The following ACTN3 variants were observed in gnomAD, a reference collection of about 807,000 sequenced individuals.
The protein encoded by ACTN3 is alpha-actinin-3.
In ACTN3, 91 loss-of-function variants were observed where a neutral mutation model predicts 119.6. The ratio of observed to expected loss-of-function variants is 0.76; its 90% CI spans 0.64 to 0.91. The LOEUF is 0.91. Among genes scored for constraint, ACTN3 ranks in the 40% least tolerant of loss-of-function variants. ACTN3 has a pLI of 0.00. For missense variants in ACTN3, 1,221 were observed against 1,215.1 expected (o/e 1.00, Z -0.07); for synonymous variants, 456 against 478.8 (o/e 0.95, Z 0.62).
At chr11:66,557,533 C>A (rs1478449663) in intron 9 of ACTN3, among the ~76,000 whole-genome samples, 166 bp from the exon 10 acceptor site, 1 of 152,242 alleles carries the variant, frequency 6.6e-6, no homozygotes, top group Non-Finnish European at 1.5e-5. Flanking sequence ...AATCAACCAT[C>A]CCACTTCTTC....
chr11:66,552,851 G>GTCTCTCTCTCTCTCTC (rs564902238), intron 3 of ACTN3, among the ~76,000 whole-genome samples: 1 of 131,278 alleles, frequency 7.6e-6, no homozygotes, highest in Non-Finnish European at 1.6e-5. Flanking sequence ...GAGAGACTCT[G>GTCTCTCTCTCTCTCTC]TCTCTCTCTC....
At chr11:66,557,282 C>A in intron 9 of ACTN3, 57 bp downstream of exon 9, 2 of 1,505,068 alleles carry the variant, frequency 1.3e-6, no homozygotes, top group Non-Finnish European at 1.8e-6. Context: ...CTCTCCCAAC[C>A]CTGCTAACCC....
At chr11:66,551,806 T>G in intron 3 of ACTN3, 159 bp downstream of exon 3, 349 of 675,522 alleles carry the variant, frequency 5.2e-4, no homozygotes, top group Middle Eastern at 7.4e-4. Flanking sequence ...CCAGGCACGG[T>G]GGCTCACGCC....
rs1449458702 is a variant in ACTN3 at position 66,556,174 on chromosome 11, A to G, written c.748A>G (p.Lys250Glu). 7 of 1,613,690 alleles carry G rather than the reference A, an allele frequency of 4.3e-6. No individual in the cohort carries two copies. The African/African-American group carries it at 5.3e-5, about 12-fold the overall frequency. ...DIVNTPKPDE[K>E]AIMTYVSCFY... ...TGTGAACACCCCAAAGCCGGATGAGAAGGCCATCATGACCTATGTGTCCTG... is the reference window on the plus strand; with the variant it reads ...TGTGAACACCCCAAAGCCGGATGAGGAGGCCATCATGACCTATGTGTCCTG... The change falls in exon 8 of 21, where the codon AAG (lysine) becomes GAG (glutamate). Residue 250 changes from lysine (K) to glutamate (E), a missense_variant. By Grantham distance (56) the Lys-to-Glu change is moderately conservative. Coordinates refer to ENST00000513398, the MANE Select transcript of ACTN3 (RefSeq NM_001104.4).
At position 66,563,229 on chromosome 11, in the gene ACTN3, G is replaced by A. The variant is rs754489327; in HGVS notation, c.*36G>A. ...TGAGGTTCTCTATGCAAGATGGAGAGAGGATGCACCCTGTGGCTGATCCCA... is the reference window on the plus strand; with the variant it reads ...TGAGGTTCTCTATGCAAGATGGAGAAAGGATGCACCCTGTGGCTGATCCCA... On this transcript the variant is annotated 3_prime_UTR_variant, in exon 21 of 21. Coordinates refer to ENST00000513398, the MANE Select transcript of ACTN3 (RefSeq NM_001104.4). 44 of 1,566,830 alleles carry A rather than the reference G, an allele frequency of 2.8e-5. No homozygotes were observed. The highest frequency in any genetic ancestry group is 3.7e-5 in the Non-Finnish European group (43 of 1,153,172).
In ACTN3 at chr11:66,562,143, G is replaced by T. The variant is rs971298502; in HGVS notation, c.2297G>T (p.Arg766Leu). Residue 766 changes from arginine to leucine, a missense_variant, in exon 18 of 21, where the codon CGA becomes CTA. Arg to Leu is a moderately radical substitution (Grantham distance 102, BLOSUM62 -2). Coordinates refer to ENST00000513398, the MANE Select transcript of ACTN3 (RefSeq NM_001104.4). Reference sequence around the variant, plus strand: ...AGCCAGGAGCAGCTCAACGAGTTCCGAGCATCCTTCAACCACTTTGACAGG... The same window carrying T: ...AGCCAGGAGCAGCTCAACGAGTTCCTAGCATCCTTCAACCACTTTGACAGG... ...GLSQEQLNEF[R>L]ASFNHFDRKQ... 2 of 1,613,906 alleles carry T rather than the reference G, an allele frequency of 1.2e-6. No homozygotes were observed. The highest frequency in any genetic ancestry group is 1.7e-6 in the Non-Finnish European group (2 of 1,179,962).
Position 66,562,079 on chromosome 11 carries a change from G to C in ACTN3, c.2233G>C (p.Val745Leu). 1 of 1,613,958 alleles carries C rather than the reference G, an allele frequency of 6.2e-7. No homozygotes were observed. ...CTCCATTGCCCGCACCATCAATGAA[G>C]TGGAGAACCAGGTACTGACCCGAGA... Reference protein sequence around the residue: ...LTSIARTINEVENQVLTRDAK... With the variant: ...LTSIARTINELENQVLTRDAK... Residue 745 changes from valine (V) to leucine (L), a missense_variant, in exon 18 of 21, where the codon GTG (valine) becomes CTG (leucine). Coordinates refer to ENST00000513398, the MANE Select transcript of ACTN3 (RefSeq NM_001104.4).
rs1165208376 is a variant in ACTN3, at chr11:66,560,739, A to C, written c.1844A>C (p.Asn615Thr). 2 of 1,612,234 alleles carry C rather than the reference A, an allele frequency of 1.2e-6. No individual in the cohort carries two copies. Among genetic ancestry groups the C allele is most frequent in the African/African-American group, 2.7e-5 (2 of 74,898 alleles). ...ATCACCCTCAGCCCGCAGGACATCA[A>C]CACCAAGTGGGATATGGTCAGTGCC... ...PYITLSPQDI[N>T]TKWDMVRKLV... Residue 615 changes from asparagine (N) to threonine (T), a missense_variant, in exon 15 of 21, where the codon AAC becomes ACC. This residue lies in a region of ACTN3 where 934 missense variants were observed against 899.9 expected (regional missense o/e 1.04). Coordinates refer to ENST00000513398, the MANE Select transcript of ACTN3 (RefSeq NM_001104.4).
intron 8 of ACTN3, 46 bp downstream of exon 8, chr11:66,556,276 C>G (rs1210225567): frequency 2.5e-6 from 4 of 1,586,460 alleles, no homozygotes; most frequent in Non-Finnish European, 3.4e-6. Context: ...GACCCAAGGG[C>G]CCAACCTTGG....
rs750764918 is a variant in ACTN3 at position 66,560,076 on chromosome 11, G to A, written c.1536G>A (p.Glu512=). 6.3e-7 allele frequency: 1 copy of A among 1,576,690 alleles called. No homozygotes were observed. The highest frequency in any genetic ancestry group is 1.8e-5 in the Admixed American group (1 of 54,492). Residue 512 remains glutamate, a splice_region_variant and synonymous_variant, in exon 13 of 21, where the codon GAG becomes GAA. Transcript: ENST00000513398. Reference sequence around the variant, plus strand: ...CCCAGAAGAGGCGGGATGCGCTAGAGGTGGGGCTGGGGGCCGGGGAGCTGG... The same window carrying A: ...CCCAGAAGAGGCGGGATGCGCTAGAAGTGGGGCTGGGGGCCGGGGAGCTGG... ...TLTQKRRDAL[E]RMEKLLETID... is the part of the protein sequence containing the mutation.
Position 66,562,068 on chromosome 11 carries a change from C to T in ACTN3, c.2222C>T (p.Thr741Ile). ...CAGCTGCTCACCTCCATTGCCCGCACCATCAATGAAGTGGAGAACCAGGTA... is the reference window on the plus strand; with the variant it reads ...CAGCTGCTCACCTCCATTGCCCGCATCATCAATGAAGTGGAGAACCAGGTA... Reference protein sequence around the residue: ...WEQLLTSIARTINEVENQVLT... With the variant: ...WEQLLTSIARIINEVENQVLT... Residue 741 changes from threonine (T) to isoleucine (I), a missense_variant, in exon 18 of 21, where the codon ACC (threonine) becomes ATC (isoleucine). Coordinates refer to ENST00000513398, the MANE Select transcript of ACTN3 (RefSeq NM_001104.4). 6.2e-7 allele frequency: 1 copy of T among 1,613,718 alleles called. No individual in the cohort carries two copies. Among genetic ancestry groups the T allele is most frequent in the Non-Finnish European group, 8.5e-7 (1 of 1,179,872 alleles).
chr11:66,557,253 C>A (rs1457540970), intron 9 of ACTN3, 28 bp downstream of exon 9: 1 of 1,545,552 alleles, frequency 6.5e-7, no homozygotes. Context: ...CCGTGCTCTC[C>A]CCACCCCAGC....
Position 66,552,874 on chromosome 11 carries a change from TCTCTCTCACACACA to T in ACTN3, c.383-1169_383-1156del, listed in dbSNP as rs1169572633. Reference sequence around the variant, plus strand: ...CTGTCTCTCTCTCTCTCTCTCTCTCTCTCTCTCACACACACACACACACACACACACACACACAA... The same window carrying T: ...CTGTCTCTCTCTCTCTCTCTCTCTCTCACACACACACACACACACACACAA... On this transcript the variant is annotated intron_variant, in intron 3 of 20. Coordinates refer to ENST00000513398, the MANE Select transcript of ACTN3 (RefSeq NM_001104.4). Among the ~76,000 whole-genome samples, 240 of 74,602 alleles carry T rather than the reference TCTCTCTCACACACA, an allele frequency of 3.2e-3. 1 individual carries two copies. Among genetic ancestry groups the T allele is most frequent in the African/African-American group, 0.016 (219 of 14,036 alleles). 48.9% of individuals were successfully genotyped at this position (74,602 alleles called of 152,430 possible).
At position 66,560,268 on chromosome 11, in the gene ACTN3, A is replaced by G. The variant is rs1388413178; in HGVS notation, c.1634A>G (p.Asp545Gly). 1 of 1,613,290 alleles carries G rather than the reference A, an allele frequency of 6.2e-7. No homozygotes were observed. The highest frequency in any genetic ancestry group is 1.7e-4 in the Middle Eastern group (1 of 6,058). The change falls in exon 14 of 21, where the codon GAC becomes GGC. Residue 545 changes from aspartate to glycine, a missense_variant. Asp to Gly is a moderately conservative substitution (Grantham distance 94, BLOSUM62 -1). Coordinates refer to ENST00000513398, the MANE Select transcript of ACTN3 (RefSeq NM_001104.4). ...FNNWLDGAVE[D>G]LQDVWLVHSV... ...AACTGGCTGGATGGTGCCGTGGAGG[A>G]CCTGCAGGACGTGTGGCTGGTACAC...
chr11:66,546,816 G>A (rs1857352930), upstream of ACTN3: 1 of 1,529,004 alleles, frequency 6.5e-7, no homozygotes, highest in East Asian at 2.5e-5. Flanking sequence ...ACCCCCATCC[G>A]GCCCCTCCCT....
At chr11:66,559,899 G>C (rs1414981663) in intron 12 of ACTN3, 69 bp from the exon 13 acceptor site, 1 of 1,468,458 alleles carries the variant, frequency 6.8e-7, no homozygotes, top group Non-Finnish European at 9.3e-7. Context: ...GCAGGTTCCA[G>C]CCCTGGGAGT....
intron 14 of ACTN3, 53 bp downstream of exon 14, chr11:66,560,364 A>T: frequency 6.4e-7 from 1 of 1,572,920 alleles, no homozygotes; most frequent in Non-Finnish European, 8.6e-7. Context: ...GCTGGCCCCA[A>T]ATTCTGCCAC....
intron 11 of ACTN3, 83 bp from the exon 12 acceptor site, chr11:66,559,153 T>C: frequency 7.3e-7 from 1 of 1,374,938 alleles, no homozygotes; most frequent in Non-Finnish European, 9.5e-7. Context: ...CCTTAGCAGA[T>C]GAGGCTTCAT....
At position 66,562,267 on chromosome 11, in the gene ACTN3, G is replaced by C. The variant is rs1349610642; in HGVS notation, c.2333G>C (p.Gly778Ala). The change falls in exon 19 of 21, where the codon GGG becomes GCG. Residue 778 changes from glycine (G) to alanine (A), a missense_variant. By Grantham distance (60) the Gly-to-Ala change is moderately conservative. Around this residue, in one of 3 missense-constraint regions of ACTN3, gnomAD observed 934 missense variants for 899.9 expected, o/e 1.04. Transcript: ENST00000513398. ...SFNHFDRKQNGMMEPDDFRAC... is the reference protein window; with the variant it reads ...SFNHFDRKQNAMMEPDDFRAC... ...ACTCACCCCCTACAGAAGCAGAATG[G>C]GATGATGGAGCCTGATGACTTCCGA... 1 of 1,613,656 alleles carries C rather than the reference G, an allele frequency of 6.2e-7. No homozygotes were observed. Among genetic ancestry groups the C allele is most frequent in the African/African-American group, 1.3e-5 (1 of 74,874 alleles).
Sources: allele counts gnomAD v4.1 joint callset (sites outside exome capture counted in the v4.1 genomes callset), GRCh38; gene constraint gnomAD v4.1.1; regional missense constraint gnomAD v4.1.1; transcripts MANE v1.5; gene names NCBI Gene and HGNC (gene_info 2026-07-23, HGNC 2026-07-21).